The following CCDC141 variants were observed in gnomAD, a reference collection of about 807,000 sequenced individuals.
The protein encoded by CCDC141 is coiled-coil domain containing 141, also known as coiled-coil domain-containing protein 141.
Under a neutral mutation model 181.0 loss-of-function variants are expected in CCDC141, and 168 were observed. The observed-to-expected ratio is 0.93, with a 90% confidence interval of 0.82 to 1.05. The LOEUF is 1.05. Among genes scored for constraint, CCDC141 ranks in the 50% least tolerant of loss-of-function variants. The probability of loss-of-function intolerance (pLI) is 0.00; values close to 1 mark genes in which losing one functional copy is unlikely to be tolerated. For synonymous variants in CCDC141, 666 were observed against 642.3 expected, an observed-to-expected ratio of 1.04 and a Z score of -0.56; for missense variants, 1,902 against 1,788.5, an observed-to-expected ratio of 1.06 and a Z score of -1.14.
At chr2:178,970,585 G>A (rs980266647) in intron 4 of CCDC141, among the ~76,000 whole-genome samples, 8 of 152,074 alleles carry the variant, frequency 5.3e-5, no homozygotes, top group African/African-American at 1.9e-4. Context: ...AACAGAAACT[G>A]GACCCCGTCC....
At chr2:178,929,288 G>A (rs113968511) in intron 6 of CCDC141, among the ~76,000 whole-genome samples, 5 of 152,238 alleles carry the variant, frequency 3.3e-5, no homozygotes, top group African/African-American at 1.2e-4. Flanking sequence ...TACCTTTGGT[G>A]AAGGAATTTG....
rs377311983 is a variant in CCDC141 at position 178,862,272 on chromosome 2, T to C, written c.2724+3495A>G. ...AATTTCAGGGTAAGGTAAATAATTA[T>C]CTGGAAGTTCTATGTGGAAAACTTG... On this transcript the variant is annotated intron_variant, in intron 17 of 23. Transcript: ENST00000443758. 7.2e-5 allele frequency among the ~76,000 whole-genome samples: 11 copies of C among 152,344 alleles called. 1 individual carries two copies. The East Asian group carries it at 1.9e-3, about 27-fold the overall frequency.
intron 4 of CCDC141, among the ~76,000 whole-genome samples, chr2:178,963,056 G>A (rs538591333): frequency 6.6e-6 from 1 of 152,188 alleles, no homozygotes; most frequent in Non-Finnish European, 1.5e-5. Context: ...GACCATGACT[G>A]CACCCAGCAC....
At chr2:178,867,010 G>C (rs890726766) in intron 16 of CCDC141, among the ~76,000 whole-genome samples, 2 of 152,130 alleles carry the variant, frequency 1.3e-5, no homozygotes, top group African/African-American at 4.8e-5. Context: ...GGCTAAAGAA[G>C]GAATTTTTTT....
the CCDC141 span, among the ~76,000 whole-genome samples, chr2:178,820,089 C>T: frequency 1.3e-5 from 2 of 152,300 alleles, no homozygotes; most frequent in East Asian, 3.9e-4. Flanking sequence ...GCCATCATTT[C>T]CTGCAGTTTA....
At chr2:178,879,712 T>C (rs1369626450) in intron 11 of CCDC141, among the ~76,000 whole-genome samples, 6 of 152,228 alleles carry the variant, frequency 3.9e-5, no homozygotes, top group African/African-American at 1.4e-4. Flanking sequence ...ACCAACTCTA[T>C]ATGGAGTAAA....
intron 2 of CCDC141, among the ~76,000 whole-genome samples, chr2:179,042,595 A>G (rs1575383515): frequency 6.6e-6 from 1 of 152,144 alleles, no homozygotes. Flanking sequence ...TGATCCACCC[A>G]CCTTGGCCTG....
intron 2 of CCDC141, among the ~76,000 whole-genome samples, chr2:179,017,458 C>G (rs951428888): frequency 1.1e-4 from 16 of 152,036 alleles, no homozygotes; most frequent in Admixed American, 9.9e-4. Context: ...TCCCACCTTT[C>G]AAATCATTTC....
At chr2:178,993,059 G>A (rs1300587303) in intron 2 of CCDC141, among the ~76,000 whole-genome samples, 1 of 152,088 alleles carries the variant, frequency 6.6e-6, no homozygotes, top group African/African-American at 2.4e-5. Context: ...TCTTTATTAG[G>A]AGCATGAGAA....
At chr2:178,854,925 C>G (rs1488991888) in intron 19 of CCDC141, among the ~76,000 whole-genome samples, 3 of 152,142 alleles carry the variant, frequency 2.0e-5, no homozygotes, top group African/African-American at 4.8e-5. Flanking sequence ...CCAATAACAA[C>G]TTTTTGTAGC....
At chr2:178,844,530 C>T (rs1684856137) in intron 22 of CCDC141, among the ~76,000 whole-genome samples, 2 of 152,146 alleles carry the variant, frequency 1.3e-5, no homozygotes, top group African/African-American at 4.8e-5. Flanking sequence ...AGTTTGGCAG[C>T]TCTCCTTTGC....
intron 2 of CCDC141, among the ~76,000 whole-genome samples, chr2:178,979,503 G>A (rs1386107661): frequency 6.6e-6 from 1 of 152,130 alleles, no homozygotes; most frequent in East Asian, 1.9e-4. Flanking sequence ...CACAAAAAAT[G>A]TGGATGAGTT....
downstream of CCDC141, among the ~76,000 whole-genome samples, chr2:178,828,533 G>T (rs1245589176): frequency 1.3e-5 from 2 of 152,134 alleles, no homozygotes; most frequent in African/African-American, 4.8e-5. Flanking sequence ...CATTTTAAAA[G>T]GCACCTTCTG....
intron 2 of CCDC141, among the ~76,000 whole-genome samples, chr2:179,003,912 T>G (rs938221148): frequency 8.5e-5 from 13 of 152,196 alleles, no homozygotes; most frequent in Non-Finnish European, 1.8e-4. Flanking sequence ...GTTCTTAAAC[T>G]TCATACTCAT....
At chr2:179,015,457 A>T in intron 2 of CCDC141, among the ~76,000 whole-genome samples, 1 of 123,876 alleles carries the variant, frequency 8.1e-6, no homozygotes. Flanking sequence ...TATATGTACC[A>T]TATATATCTC....
intron 8 of CCDC141, among the ~76,000 whole-genome samples, chr2:178,900,609 T>C (rs1220929529): frequency 2.6e-5 from 4 of 152,144 alleles, no homozygotes; most frequent in African/African-American, 7.2e-5. Flanking sequence ...TGGCTAAAAA[T>C]AGTCAATAGA....
At chr2:178,897,825 A>C (rs990194675) in intron 8 of CCDC141, among the ~76,000 whole-genome samples, 16 of 152,200 alleles carry the variant, frequency 1.1e-4, no homozygotes, top group African/African-American at 3.9e-4. Context: ...TTTTTGTCCC[A>C]TTATAGAAAA....
chr2:178,925,899 T>G (rs2154375388), intron 6 of CCDC141, among the ~76,000 whole-genome samples: 1 of 152,216 alleles, frequency 6.6e-6, no homozygotes. Flanking sequence ...CACATCTAAC[T>G]CAGCTACAGG....
chr2:178,964,241 A>G (rs1171870286), intron 4 of CCDC141, among the ~76,000 whole-genome samples: 7 of 152,164 alleles, frequency 4.6e-5, no homozygotes, highest in African/African-American at 1.7e-4. Context: ...GCTTGTTATG[A>G]TATTGTGAAC....
Sources: allele counts gnomAD v4.1 joint callset (sites outside exome capture counted in the v4.1 genomes callset), GRCh38; gene constraint gnomAD v4.1.1; transcripts MANE v1.5; gene names NCBI Gene and HGNC (gene_info 2026-07-23, HGNC 2026-07-21).